Variants in COL23A1 observed in about 807,000 individuals in gnomAD.
COL23A1 encodes the protein collagen type XXIII alpha 1 chain, also known as collagen alpha-1(XXIII) chain.
Under a neutral mutation model 99.3 loss-of-function variants are expected in COL23A1, and 97 were observed. The observed-to-expected ratio is 0.98, with a 90% CI of 0.83 to 1.16. The LOEUF is 1.16. Ranked by LOEUF, COL23A1 falls within the 50% of genes most tolerant of loss-of-function variation. The probability of loss-of-function intolerance (pLI) is 0.00; values close to 1 mark genes in which losing one functional copy is unlikely to be tolerated. For missense variants in COL23A1, 762 were observed against 757.4 expected (o/e 1.01, Z -0.07); for synonymous variants, 320 against 308.2 (o/e 1.04, Z -0.40).
chr5:178,483,862 C>G (rs575057), intron 2 of COL23A1, among the ~76,000 whole-genome samples: 3,070 of 152,312 alleles, frequency 0.02, 109 homozygotes, highest in African/African-American at 0.069. Flanking sequence ...AAGGGATGTA[C>G]ACACTCAGCA....
intron 2 of COL23A1, among the ~76,000 whole-genome samples, chr5:178,393,735 A>C (rs1379636405): frequency 1.3e-5 from 2 of 151,062 alleles, no homozygotes; most frequent in African/African-American, 2.4e-5. Context: ...TCCCGGGCTC[A>C]AGCGATTTTT....
chr5:178,358,998 T>C (rs1464021753), intron 2 of COL23A1, among the ~76,000 whole-genome samples: 2 of 152,192 alleles, frequency 1.3e-5, no homozygotes, highest in Non-Finnish European at 2.9e-5. Context: ...TCCAACTGTC[T>C]AATAAAAGGC....
intron 2 of COL23A1, among the ~76,000 whole-genome samples, chr5:178,482,598 A>C (rs1375897824): frequency 6.6e-6 from 1 of 152,188 alleles, no homozygotes; most frequent in African/African-American, 2.4e-5. Context: ...AAATGGTTAC[A>C]ATAGACTTAG....
chr5:178,288,059 G>A (rs956417746), intron 5 of COL23A1, among the ~76,000 whole-genome samples: 4 of 152,190 alleles, frequency 2.6e-5, no homozygotes, highest in Non-Finnish European at 5.9e-5. Context: ...GCTCTTGGCT[G>A]GACTTACTGA....
intron 3 of COL23A1, among the ~76,000 whole-genome samples, chr5:178,294,208 C>T (rs932786899): frequency 3.3e-5 from 5 of 151,880 alleles, no homozygotes; most frequent in African/African-American, 7.3e-5. Flanking sequence ...GTGCCTTCCA[C>T]GTGGTGATCT....
At chr5:178,520,291 G>A (rs554404726) in intron 2 of COL23A1, among the ~76,000 whole-genome samples, 2 of 152,296 alleles carry the variant, frequency 1.3e-5, no homozygotes, top group East Asian at 1.9e-4. Flanking sequence ...GCAGAGGCTC[G>A]GTGGAGGTAG....
chr5:178,577,667 G>A (rs891303877), intron 1 of COL23A1, among the ~76,000 whole-genome samples: 1 of 152,224 alleles, frequency 6.6e-6, no homozygotes, highest in Non-Finnish European at 1.5e-5. Flanking sequence ...CGAGTGTCAA[G>A]GGGGCTCCTC....
chr5:178,386,867 C>G (rs533053084), intron 2 of COL23A1, among the ~76,000 whole-genome samples: 1 of 152,322 alleles, frequency 6.6e-6, no homozygotes, highest in African/African-American at 2.4e-5. Flanking sequence ...CTGATGCTCA[C>G]TGGCTCTATG....
At chr5:178,454,794 C>T (rs558251931) in intron 2 of COL23A1, among the ~76,000 whole-genome samples, 8 of 152,356 alleles carry the variant, frequency 5.3e-5, no homozygotes, top group African/African-American at 7.2e-5. Context: ...TCCTTTATTG[C>T]GTGTATTAGT....
intron 2 of COL23A1, among the ~76,000 whole-genome samples, chr5:178,492,373 G>A (rs1757977216): frequency 6.6e-6 from 1 of 152,078 alleles, no homozygotes; most frequent in Admixed American, 6.6e-5. Flanking sequence ...TTAGGACTCA[G>A]ACACACACAG....
intron 2 of COL23A1, among the ~76,000 whole-genome samples, chr5:178,521,369 C>A (rs1016466828): frequency 1.3e-5 from 2 of 151,802 alleles, no homozygotes; most frequent in Non-Finnish European, 2.9e-5. Context: ...CTGGCTAACA[C>A]GCTGAAACCC....
In COL23A1 at chr5:178,590,233, G is replaced by C; in HGVS notation, c.-36C>G. Reference sequence around the variant, plus strand: ...TCGCGCGTGGACTCTCCGAGGGGGCGGTGCTGCTGGGGCAGAGGCTGGGTG... The same window carrying C: ...TCGCGCGTGGACTCTCCGAGGGGGCCGTGCTGCTGGGGCAGAGGCTGGGTG... On this transcript the variant is annotated 5_prime_UTR_variant, in exon 1 of 29. Coordinates refer to ENST00000390654, the MANE Select transcript of COL23A1 (RefSeq NM_173465.4). The surrounding 1 kb of genome is among the most constrained non-coding windows in gnomAD (Gnocchi z 5.7). 8.3e-7 allele frequency: 1 copy of C among 1,206,482 alleles called. No homozygotes were observed. The highest frequency in any genetic ancestry group is 1.0e-6 in the Non-Finnish European group (1 of 970,750). 74.7% of individuals were successfully genotyped at this position (1,206,482 alleles called of 1,614,324 possible). A position where few individuals can be genotyped will look rare whatever the true frequency, so the allele number is the denominator to read the frequency against.
At chr5:178,553,321 C>T (rs532125056) in intron 2 of COL23A1, among the ~76,000 whole-genome samples, 65 of 152,280 alleles carry the variant, frequency 4.3e-4, no homozygotes, top group African/African-American at 1.6e-3. Flanking sequence ...AAACTATCAA[C>T]GAAATGTATC....
Position 178,530,701 on chromosome 5 carries a change from G to A in COL23A1, c.361+29981C>T, listed in dbSNP as rs79864691. Among the ~76,000 whole-genome samples, 1,346 of 151,654 alleles carry A rather than the reference G, an allele frequency of 8.9e-3. 17 individuals carry two copies. Among genetic ancestry groups the A allele is most frequent in the African/African-American group, 0.031 (1,279 of 41,330 alleles). Reference sequence around the variant, plus strand: ...GTTGCAGCCACAGCTCCCTCCGGCTGAGGTCCCTGCCACCATCCAGCGTAA... The same window carrying A: ...GTTGCAGCCACAGCTCCCTCCGGCTAAGGTCCCTGCCACCATCCAGCGTAA... On this transcript the variant is annotated intron_variant, in intron 2 of 28. Transcript: ENST00000390654.
intron 2 of COL23A1, among the ~76,000 whole-genome samples, chr5:178,316,108 A>G (rs1758969044): frequency 6.6e-6 from 1 of 152,200 alleles, no homozygotes; most frequent in African/African-American, 2.4e-5. Context: ...TCTACTTAGA[A>G]TCCAACTGGT....
chr5:178,269,287 T>TCATC (rs375433031), intron 6 of COL23A1, among the ~76,000 whole-genome samples: 11,821 of 139,396 alleles, frequency 0.085, 761 homozygotes, highest in East Asian at 0.2. Context: ...CCTGTATGAG[T>TCATC]CATCCATCCA....
At chr5:178,503,650 G>A (rs888484225) in intron 2 of COL23A1, among the ~76,000 whole-genome samples, 10 of 152,156 alleles carry the variant, frequency 6.6e-5, no homozygotes, top group East Asian at 1.9e-4. Context: ...CTGTGTGTGC[G>A]AAAAGGGAGG....
intron 2 of COL23A1, among the ~76,000 whole-genome samples, chr5:178,442,111 C>G (rs577093921): frequency 1.6e-3 from 245 of 152,098 alleles, no homozygotes; most frequent in African/African-American, 5.4e-3. Flanking sequence ...GGTCAGACCC[C>G]GAGCCTGGCC....
chr5:178,241,603 C>G (rs900936732), intron 27 of COL23A1, among the ~76,000 whole-genome samples: 11 of 152,216 alleles, frequency 7.2e-5, no homozygotes, highest in Admixed American at 5.9e-4. Context: ...CCAGCGGCAG[C>G]GTGTCTGTGC....
Sources: gnomAD v4.1 joint callset for allele counts (sites outside exome capture counted in the v4.1 genomes callset) on GRCh38, gnomAD v4.1.1 for gene constraint, Gnocchi (gnomAD v3.1) non-coding constraint, MANE v1.5 for transcripts, NCBI Gene and HGNC (gene_info 2026-07-23, HGNC 2026-07-21) for gene names.